The following PTPRK variants were observed in gnomAD, a reference collection of about 807,000 sequenced individuals.
PTPRK encodes the protein receptor-type tyrosine-protein phosphatase kappa.
In PTPRK, 75 loss-of-function variants were observed where a neutral mutation model predicts 178.0. The observed-to-expected ratio is 0.42, with a 90% confidence interval of 0.35 to 0.51. PTPRK has a LOEUF of 0.51. Ranked by LOEUF, PTPRK falls within the 20% of genes least tolerant of loss-of-function variation. PTPRK has a pLI of 0.02. For synonymous variants in PTPRK, 637 were observed against 620.6 expected (o/e 1.03, Z -0.39); for missense variants, 1,441 against 1,797.8 (o/e 0.80, Z 3.59).
chr6:128,407,763 T>C (rs541435555), intron 1 of PTPRK, among the ~76,000 whole-genome samples: 42 of 152,106 alleles, frequency 2.8e-4, no homozygotes, highest in Non-Finnish European at 2.2e-4. Context: ...TAAAACATAA[T>C]GACCAAGTTT....
intron 3 of PTPRK, among the ~76,000 whole-genome samples, chr6:128,252,415 T>C (rs1032119922): frequency 5.3e-5 from 8 of 152,236 alleles, no homozygotes; most frequent in African/African-American, 1.9e-4. Context: ...TTAATTAGAA[T>C]AGATGTTGAC....
intron 7 of PTPRK, among the ~76,000 whole-genome samples, chr6:128,112,447 T>C (rs1382715642): frequency 6.6e-6 from 1 of 152,024 alleles, no homozygotes; most frequent in Admixed American, 6.6e-5. Context: ...GATCTCAGCA[T>C]TTGATTTTAG....
At chr6:128,413,777 T>G (rs751985804) in intron 1 of PTPRK, among the ~76,000 whole-genome samples, 7 of 152,200 alleles carry the variant, frequency 4.6e-5, no homozygotes, top group African/African-American at 7.2e-5. Flanking sequence ...ATAAATGTGA[T>G]GCCTACCTAG....
chr6:128,409,853 G>C (rs1023221580), intron 1 of PTPRK, among the ~76,000 whole-genome samples: 2 of 152,140 alleles, frequency 1.3e-5, no homozygotes, highest in Non-Finnish European at 2.9e-5. Flanking sequence ...CCATGATTAT[G>C]AGGCCTCCCC....
intron 1 of PTPRK, among the ~76,000 whole-genome samples, chr6:128,448,124 G>A (rs1256134947): frequency 1.3e-5 from 2 of 151,978 alleles, no homozygotes; most frequent in African/African-American, 2.4e-5. Flanking sequence ...CACCTCTAAC[G>A]CACGTACACG....
At chr6:128,177,346 AAG>A (rs1484394279) in intron 7 of PTPRK, among the ~76,000 whole-genome samples, 1 of 151,802 alleles carries the variant, frequency 6.6e-6, no homozygotes, top group African/African-American at 2.4e-5. Context: ...CTTGAGGGGA[AAG>A]AACATTTCAT....
chr6:128,025,454 G>C (rs999035100), intron 13 of PTPRK, among the ~76,000 whole-genome samples: 1 of 152,240 alleles, frequency 6.6e-6, no homozygotes, highest in East Asian at 1.9e-4. Flanking sequence ...AGAAAACCCT[G>C]GTTCTATCTA....
At chr6:128,402,321 G>A (rs867779099) in intron 1 of PTPRK, among the ~76,000 whole-genome samples, 1 of 152,170 alleles carries the variant, frequency 6.6e-6, no homozygotes, top group South Asian at 2.1e-4. Context: ...GCAGTGGCGC[G>A]ATCTCGGCTC....
intron 11 of PTPRK, among the ~76,000 whole-genome samples, chr6:128,076,976 T>C (rs542757308): frequency 6.6e-6 from 1 of 152,022 alleles, no homozygotes; most frequent in East Asian, 1.9e-4. Context: ...GTGGAAAAAA[T>C]TGATTAAGTG....
At chr6:128,465,516 G>C (rs937573420) in intron 1 of PTPRK, among the ~76,000 whole-genome samples, 1 of 152,024 alleles carries the variant, frequency 6.6e-6, no homozygotes, top group African/African-American at 2.4e-5. Context: ...TTATGGAAAC[G>C]AATCAATAAG....
Position 128,201,923 on chromosome 6 carries a change from T to G in PTPRK, c.868+16999A>C, listed in dbSNP as rs138712972. ...GTAAATCTCACAAATCTGTTTCTTA[T>G]TCATATTTATGTAAAACTTGCTTCA... is the stretch of plus-strand genomic sequence containing the variant. On this transcript the variant is annotated intron_variant, in intron 6 of 29. Transcript: ENST00000368226. 4.2e-3 allele frequency among the ~76,000 whole-genome samples: 638 copies of G among 152,234 alleles called. 5 individuals are homozygous for G. The highest frequency in any genetic ancestry group is 0.015 in the African/African-American group (617 of 41,534).
chr6:128,477,733 T>TA (rs1445975110), intron 1 of PTPRK, among the ~76,000 whole-genome samples: 1 of 152,106 alleles, frequency 6.6e-6, no homozygotes, highest in Non-Finnish European at 1.5e-5. Flanking sequence ...TATTTGTGAT[T>TA]AAAAAAATGT....
At chr6:128,064,948 C>G (rs947953232) in intron 12 of PTPRK, among the ~76,000 whole-genome samples, 154 bp from the exon 13 acceptor site, 3 of 151,706 alleles carry the variant, frequency 2.0e-5, no homozygotes, top group Admixed American at 6.6e-5. Context: ...AAAATATGCC[C>G]CCCTAGGGAT....
chr6:128,203,590 A>C (rs1806357628), intron 6 of PTPRK, among the ~76,000 whole-genome samples: 1 of 152,032 alleles, frequency 6.6e-6, no homozygotes, highest in South Asian at 2.1e-4. Flanking sequence ...TCTCAGGATA[A>C]TCAATGTGAA....
chr6:128,155,944 T>G, intron 7 of PTPRK, among the ~76,000 whole-genome samples: 1 of 151,962 alleles, frequency 6.6e-6, no homozygotes, highest in East Asian at 1.9e-4. Context: ...TCCTAACTTA[T>G]GTGGTGAACA....
At chr6:128,283,192 T>C (rs1375349939) in intron 3 of PTPRK, among the ~76,000 whole-genome samples, 1 of 152,174 alleles carries the variant, frequency 6.6e-6, no homozygotes, top group Non-Finnish European at 1.5e-5. Context: ...TACAGAGTCC[T>C]TGGTGCACAC....
chr6:128,029,739 A>AAAT (rs1774988585), intron 13 of PTPRK, among the ~76,000 whole-genome samples: 1 of 151,588 alleles, frequency 6.6e-6, no homozygotes, highest in Non-Finnish European at 1.5e-5. Context: ...CTAACACACC[A>AAAT]AATGAAGGCC....
intron 6 of PTPRK, among the ~76,000 whole-genome samples, chr6:128,192,901 G>T (rs951865099): frequency 2.8e-4 from 42 of 149,056 alleles, no homozygotes; most frequent in African/African-American, 9.6e-4. Flanking sequence ...AGGGAGGAAG[G>T]GAGGAAGAGA....
chr6:128,366,203 G>A (rs1359930915), intron 2 of PTPRK, among the ~76,000 whole-genome samples: 3 of 152,198 alleles, frequency 2.0e-5, no homozygotes, highest in African/African-American at 7.2e-5. Context: ...TAGCTCCTTA[G>A]GTACTAAAAT....
Sources: gnomAD v4.1 joint callset for allele counts (sites outside exome capture counted in the v4.1 genomes callset) on GRCh38, gnomAD v4.1.1 for gene constraint, MANE v1.5 for transcripts, NCBI Gene and HGNC (gene_info 2026-07-23, HGNC 2026-07-21) for gene names.